CCDC150: variants seen among roughly 807,000 people sequenced by gnomAD.
CCDC150 encodes the protein coiled-coil domain-containing protein 150.
A neutral mutation model predicts 156.5 loss-of-function variants in CCDC150; 151 were observed. That is an observed-to-expected ratio of 0.97 (90% CI 0.85 to 1.10). The LOEUF is 1.10. Among genes scored for constraint, CCDC150 ranks in the 50% least tolerant of loss-of-function variants. CCDC150 has a pLI of 0.00. For synonymous variants in CCDC150, 452 were observed against 429.4 expected (o/e 1.05, Z -0.65); for missense variants, 1,312 against 1,268.1 (o/e 1.03, Z -0.53).
chr2:196,649,077 C>T (rs1242926391), intron 2 of CCDC150, among the ~76,000 whole-genome samples: 10 of 152,102 alleles, frequency 6.6e-5, no homozygotes, highest in Admixed American at 6.5e-4. Flanking sequence ...GCAATGCCTC[C>T]ACCTTTGTTA....
chr2:196,644,943 C>T (rs372414487), intron 1 of CCDC150, among the ~76,000 whole-genome samples: 5 of 142,108 alleles, frequency 3.5e-5, no homozygotes, highest in East Asian at 2.1e-4. Context: ...GGTGAAACCC[C>T]GTCTCTACTA....
In CCDC150 at chr2:196,729,823, C is replaced by G. The variant is rs1337915952; in HGVS notation, c.2782C>G (p.Leu928Val). 1 of 1,589,570 alleles carries G rather than the reference C, an allele frequency of 6.3e-7. No homozygotes were observed. Reference protein sequence around the residue: ...QIEKELKQMELIKDQYQKKNY... With the variant: ...QIEKELKQMEVIKDQYQKKNY... ...AGAAAAAGAATTGAAGCAAATGGAG[C>G]TAATTAAGGATCAATATCAGAAAAA... The change falls in exon 24 of 28, where the codon CTA becomes GTA. Residue 928 changes from leucine (L) to valine (V), a missense_variant. Coordinates refer to ENST00000389175, the MANE Select transcript of CCDC150 (RefSeq NM_001080539.2).
At chr2:196,713,138 G>A in intron 17 of CCDC150, 1 of 625,534 alleles carries the variant, frequency 1.6e-6, no homozygotes, top group Non-Finnish European at 2.5e-6. Context: ...CTCATTAGAT[G>A]CGCTCTCTGA....
In CCDC150 at chr2:196,732,103, CA is replaced by C. The variant is rs1297550058; in HGVS notation, c.3146del (p.Asn1049ThrfsTer19). 1.2e-6 allele frequency: 2 copies of C among 1,613,838 alleles called. No individual in the cohort carries two copies. Among genetic ancestry groups the C allele is most frequent in the Non-Finnish European group, 1.7e-6 (2 of 1,179,814 alleles). On this transcript the variant is annotated frameshift_variant, in exon 27 of 28. Transcript: ENST00000389175. LOFTEE classifies it low-confidence loss of function (END_TRUNC). ...HRFDGLQLEL[T>X]KNRLQRPSGE... is the part of the protein sequence containing the mutation. ...TTTGATGGTCTACAACTTGAGCTGA[CA>C]AAAAACCGGTTGCAGAGGCCTTCTG... is the stretch of plus-strand genomic sequence containing the variant.
intron 2 of CCDC150, among the ~76,000 whole-genome samples, chr2:196,648,496 T>C (rs1213275444): frequency 1.3e-5 from 2 of 152,190 alleles, no homozygotes; most frequent in Non-Finnish European, 2.9e-5. Context: ...TGTTTTCTTG[T>C]TATTGAGTAG....
chr2:196,719,720 C>A, intron 19 of CCDC150, 54 bp downstream of exon 19: 3 of 1,288,320 alleles, frequency 2.3e-6, no homozygotes, highest in Non-Finnish European at 1.0e-6. Flanking sequence ...TACTAAGGAG[C>A]AGTGTCAAGT....
chr2:196,719,791 G>A (rs1697770930), intron 19 of CCDC150, 125 bp downstream of exon 19: 1 of 587,704 alleles, frequency 1.7e-6, no homozygotes, highest in Non-Finnish European at 2.7e-6. Flanking sequence ...AAAATGATAT[G>A]TTGAAAGAAT....
At chr2:196,683,676 G>A (rs537902943) in intron 13 of CCDC150, among the ~76,000 whole-genome samples, 1 of 151,798 alleles carries the variant, frequency 6.6e-6, no homozygotes, top group South Asian at 2.1e-4. Context: ...TTCTTTGTTT[G>A]GTTTATTATT....
intron 5 of CCDC150, among the ~76,000 whole-genome samples, chr2:196,661,041 T>A (rs1256968963): frequency 6.6e-6 from 1 of 152,228 alleles, no homozygotes; most frequent in African/African-American, 2.4e-5. Context: ...CCAGCACCAT[T>A]TGTTGAAAAG....
chr2:196,669,726 T>C (rs2125603743), intron 7 of CCDC150, 107 bp from the exon 8 acceptor site: 1 of 764,986 alleles, frequency 1.3e-6, no homozygotes, highest in South Asian at 1.7e-5. Context: ...AGTTGGGTTC[T>C]CCTTATCTCT....
intron 2 of CCDC150, among the ~76,000 whole-genome samples, chr2:196,652,536 C>G (rs1692951259): frequency 6.6e-6 from 1 of 152,266 alleles, no homozygotes; most frequent in Non-Finnish European, 1.5e-5. Context: ...GTCCCTCTGG[C>G]TTTGCATGTT....
intron 1 of CCDC150, among the ~76,000 whole-genome samples, chr2:196,644,426 C>T (rs1692412825): frequency 6.6e-6 from 1 of 152,134 alleles, no homozygotes; most frequent in Non-Finnish European, 1.5e-5. Context: ...TTGGTGGCTC[C>T]ACCAACTGCA....
At chr2:196,688,509 G>A (rs1307723348) in intron 13 of CCDC150, among the ~76,000 whole-genome samples, 1 of 152,134 alleles carries the variant, frequency 6.6e-6, no homozygotes, top group Non-Finnish European at 1.5e-5. Flanking sequence ...GAGGCAATAG[G>A]GTTTTTGAGA....
intron 6 of CCDC150, among the ~76,000 whole-genome samples, chr2:196,666,341 A>G (rs919441582): frequency 9.2e-5 from 14 of 152,232 alleles, no homozygotes; most frequent in South Asian, 4.1e-4. Context: ...TAACTGAATT[A>G]TAACAAGGAT....
chr2:196,656,738 GA>G lies in CCDC150; in HGVS notation c.284del (p.Lys95ArgfsTer7), dbSNP rs767453236. On this transcript the variant is annotated frameshift_variant, in exon 3 of 28. Transcript: ENST00000389175. LOFTEE classifies it high-confidence loss of function. ...ICAGKTDILWKNCEFLVNRMC... is the reference protein window; with the variant it reads ...ICAGKTDILWXNCEFLVNRMC... ...GTGCAGGAAAAACAGATATTTTATG[GA>G]AGAACTGTGAGTTTCTGGTAAATCG... is the stretch of plus-strand genomic sequence containing the variant. 6.2e-7 allele frequency: 1 copy of G among 1,613,674 alleles called. No individual in the cohort carries two copies. Among genetic ancestry groups the G allele is most frequent in the Non-Finnish European group, 8.5e-7 (1 of 1,179,664 alleles).
chr2:196,646,327 G>T lies in CCDC150; in HGVS notation c.13-14G>T. On this transcript the variant is annotated splice_polypyrimidine_tract_variant and intron_variant, in intron 1 of 27. Transcript: ENST00000389175. ...ATAGGACCTACCACACTAAGATTGT[G>T]ACTGTATTCTTAGGTACATATGGAA... The T allele has an allele frequency of 1.2e-6, 2 of 1,611,504 alleles. No homozygotes were observed. Among genetic ancestry groups the T allele is most frequent in the South Asian group, 2.2e-5 (2 of 90,948 alleles).
At chr2:196,711,461 G>A (rs886349885) in intron 15 of CCDC150, among the ~76,000 whole-genome samples, 2 of 152,080 alleles carry the variant, frequency 1.3e-5, no homozygotes, top group Non-Finnish European at 2.9e-5. Flanking sequence ...GGGTAGGTTC[G>A]GTAACGTTAA....
At chr2:196,699,406 G>T (rs1222098784) in intron 14 of CCDC150, among the ~76,000 whole-genome samples, 6 of 152,130 alleles carry the variant, frequency 3.9e-5, no homozygotes, top group Non-Finnish European at 7.4e-5. Flanking sequence ...ATGATTTTAC[G>T]GTAGGTGGTA....
intron 13 of CCDC150, among the ~76,000 whole-genome samples, chr2:196,693,745 T>C (rs1283133969): frequency 6.6e-6 from 1 of 152,220 alleles, no homozygotes; most frequent in Non-Finnish European, 1.5e-5. Flanking sequence ...AGTTTTTCAC[T>C]ATTAATATTG....
Sources: allele counts gnomAD v4.1 joint callset (sites outside exome capture counted in the v4.1 genomes callset), GRCh38; gene constraint gnomAD v4.1.1; transcripts MANE v1.5; gene names NCBI Gene and HGNC (gene_info 2026-07-23, HGNC 2026-07-21).